The following AUTS2 variants were observed in gnomAD, a reference collection of about 807,000 sequenced individuals.
AUTS2 encodes autism susceptibility gene 2 protein.
Under a neutral mutation model 112.4 loss-of-function variants are expected in AUTS2, and 17 were observed. That is an observed-to-expected ratio of 0.15 (90% confidence interval 0.10 to 0.23). The LOEUF (loss-of-function observed/expected upper bound fraction) is 0.23, where lower values mean the gene tolerates loss of function less well. Ranked by LOEUF, AUTS2 falls within the 10% of genes least tolerant of loss-of-function variation. The pLI is 1.00. For missense variants in AUTS2, 1,510 were observed against 1,701.6 expected (o/e 0.89, Z 1.98); for synonymous variants, 751 against 702.7 (o/e 1.07, Z -1.09).
intron 5 of AUTS2, among the ~76,000 whole-genome samples, chr7:70,601,618 T>C (rs1563068546): frequency 6.6e-6 from 1 of 152,156 alleles, no homozygotes; most frequent in Non-Finnish European, 1.5e-5. Flanking sequence ...GAGTGGTGTG[T>C]GTCAGGGATG....
chr7:70,652,215 G>T (rs540201163), intron 5 of AUTS2, among the ~76,000 whole-genome samples: 9 of 152,230 alleles, frequency 5.9e-5, no homozygotes, highest in African/African-American at 2.2e-4. Context: ...ATTTTGAGAT[G>T]AATACTGAGA....
At chr7:70,239,290 C>T (rs1237936688) in intron 4 of AUTS2, among the ~76,000 whole-genome samples, 2 of 152,160 alleles carry the variant, frequency 1.3e-5, no homozygotes, top group Non-Finnish European at 2.9e-5. Flanking sequence ...CCTACTCTGG[C>T]CCATCATATG....
chr7:70,684,683 G>A (rs1183002646), intron 5 of AUTS2, among the ~76,000 whole-genome samples: 2 of 151,964 alleles, frequency 1.3e-5, no homozygotes, highest in Admixed American at 6.6e-5. Flanking sequence ...GGTGTGTTGT[G>A]GTATGGTGGG....
chr7:70,672,213 C>A (rs893338950), intron 5 of AUTS2, among the ~76,000 whole-genome samples: 16 of 152,302 alleles, frequency 1.1e-4, no homozygotes, highest in African/African-American at 3.8e-4. Context: ...CTTGGGAGCC[C>A]CCTACTTGGA....
intron 5 of AUTS2, among the ~76,000 whole-genome samples, chr7:70,565,202 C>T (rs1191338865): frequency 6.6e-6 from 1 of 152,074 alleles, no homozygotes; most frequent in African/African-American, 2.4e-5. Context: ...GATACATGTG[C>T]ATAAAATGAT....
At chr7:70,055,366 G>GGAGGTTGTGGTGAGCC (rs1801946312) in intron 2 of AUTS2, among the ~76,000 whole-genome samples, 3 of 152,122 alleles carry the variant, frequency 2.0e-5, no homozygotes, top group African/African-American at 2.4e-5. Flanking sequence ...CCCAGGAGGC[G>GGAGGTTGTGGTGAGCC]GAGGTTGTGG....
intron 2 of AUTS2, among the ~76,000 whole-genome samples, chr7:69,907,389 G>A (rs996924517): frequency 3.3e-5 from 5 of 152,068 alleles, no homozygotes; most frequent in Non-Finnish European, 4.4e-5. Context: ...TTTTCCTTCC[G>A]TATCCAAGGA....
chr7:70,273,674 AC>A (rs1307633323), intron 4 of AUTS2, among the ~76,000 whole-genome samples: 1 of 151,856 alleles, frequency 6.6e-6, no homozygotes, highest in Non-Finnish European at 1.5e-5. Flanking sequence ...TGGTTCCAGT[AC>A]CCCCTCACCT....
intron 4 of AUTS2, among the ~76,000 whole-genome samples, chr7:70,138,285 G>T (rs1311528477): frequency 6.6e-6 from 1 of 152,176 alleles, no homozygotes; most frequent in Non-Finnish European, 1.5e-5. Flanking sequence ...GAAATCAGTA[G>T]AATGAAAAGA....
At chr7:70,593,038 A>G (rs1803025566) in intron 5 of AUTS2, among the ~76,000 whole-genome samples, 1 of 149,526 alleles carries the variant, frequency 6.7e-6, no homozygotes, top group Non-Finnish European at 1.5e-5. Context: ...TCTTGTAGAG[A>G]TGGTGTTTCA....
At chr7:70,109,059 C>T (rs1804931715) in intron 2 of AUTS2, among the ~76,000 whole-genome samples, 1 of 151,920 alleles carries the variant, frequency 6.6e-6, no homozygotes, top group Non-Finnish European at 1.5e-5. Flanking sequence ...TTAGTTTTTT[C>T]GTGTTAGAAT....
intron 4 of AUTS2, among the ~76,000 whole-genome samples, chr7:70,140,726 C>T (rs1446349255): frequency 1.3e-5 from 2 of 152,020 alleles, no homozygotes; most frequent in East Asian, 1.9e-4. Flanking sequence ...AATTTTTGGC[C>T]ATTATATATT....
At chr7:69,790,231 C>T (rs1156340101) in intron 1 of AUTS2, among the ~76,000 whole-genome samples, 1 of 152,162 alleles carries the variant, frequency 6.6e-6, no homozygotes, top group Non-Finnish European at 1.5e-5. Context: ...GTCAATGCTG[C>T]AGTCAGCTTT....
chr7:69,832,217 GTTTC>G (rs1463740335), intron 1 of AUTS2, among the ~76,000 whole-genome samples: 3 of 152,124 alleles, frequency 2.0e-5, no homozygotes, highest in Non-Finnish European at 4.4e-5. Flanking sequence ...TAAACCTTTT[GTTTC>G]TTTCTTCTTT....
At chr7:69,676,575 C>T (rs1309827653) in intron 1 of AUTS2, among the ~76,000 whole-genome samples, 2 of 152,142 alleles carry the variant, frequency 1.3e-5, no homozygotes, top group African/African-American at 4.8e-5. Context: ...GGCAAGGTAT[C>T]TTGACTTAAA....
At chr7:70,726,106 TGTTAA>T (rs1261144996) in intron 6 of AUTS2, among the ~76,000 whole-genome samples, 3 of 152,060 alleles carry the variant, frequency 2.0e-5, no homozygotes, top group Non-Finnish European at 4.4e-5. Context: ...GGATTTACTA[TGTTAA>T]GTTTTAGGAT....
At position 70,008,951 on chromosome 7, in the gene AUTS2, C is replaced by A. The variant is rs148693211; in HGVS notation, c.523-109181C>A. ...TTATCCTGCACTTCTTTTGAGATAGCTGGGGGCTTTACTAGAGAGAAGAAA... is the reference window on the plus strand; with the variant it reads ...TTATCCTGCACTTCTTTTGAGATAGATGGGGGCTTTACTAGAGAGAAGAAA... On this transcript the variant is annotated intron_variant, in intron 2 of 18. Coordinates refer to ENST00000342771, the MANE Select transcript of AUTS2 (RefSeq NM_015570.4). 1.5e-3 allele frequency among the ~76,000 whole-genome samples: 231 copies of A among 152,154 alleles called. 1 individual carries two copies. Among genetic ancestry groups the A allele is most frequent in the African/African-American group, 4.7e-3 (194 of 41,524 alleles).
intron 1 of AUTS2, among the ~76,000 whole-genome samples, chr7:69,658,810 TAATA>T (rs1285945902): frequency 1.3e-5 from 2 of 152,174 alleles, no homozygotes; most frequent in Non-Finnish European, 2.9e-5. Context: ...TTTAAAAAAA[TAATA>T]AATATGTGGT....
chr7:69,828,161 G>A (rs1354951510), intron 1 of AUTS2, among the ~76,000 whole-genome samples: 1 of 152,170 alleles, frequency 6.6e-6, no homozygotes, highest in East Asian at 1.9e-4. Context: ...CTTGAGTTCA[G>A]GGGGGTACAT....
Sources: gnomAD v4.1 joint callset for allele counts (sites outside exome capture counted in the v4.1 genomes callset) on GRCh38, gnomAD v4.1.1 for gene constraint, MANE v1.5 for transcripts, NCBI Gene and HGNC (gene_info 2026-07-23, HGNC 2026-07-21) for gene names.